The following GRB10 variants were observed in gnomAD, a reference collection of about 807,000 sequenced individuals.
GRB10 encodes the protein growth factor receptor bound protein 10, also known as growth factor receptor-bound protein 10.
A neutral mutation model predicts 80.9 loss-of-function variants in GRB10; 20 were observed. The observed-to-expected ratio is 0.25, with a 90% CI of 0.17 to 0.36. The LOEUF is 0.36. Among genes scored for constraint, GRB10 ranks in the 10% least tolerant of loss-of-function variants. The probability of loss-of-function intolerance (pLI) is 1.00; values close to 1 mark genes in which losing one functional copy is unlikely to be tolerated. For synonymous variants in GRB10, 291 were observed against 291.5 expected (o/e 1.00, Z 0.02); for missense variants, 548 against 747.7 (o/e 0.73, Z 3.12).
chr7:50,738,004 C>T (rs752192264), intron 3 of GRB10, among the ~76,000 whole-genome samples: 34 of 152,134 alleles, frequency 2.2e-4, no homozygotes, highest in Non-Finnish European at 1.6e-4. Context: ...ATGGCCAAAA[C>T]GCACATGAAA....
chr7:50,753,371 A>G, intron 3 of GRB10, among the ~76,000 whole-genome samples: 1 of 152,202 alleles, frequency 6.6e-6, no homozygotes, highest in East Asian at 1.9e-4. Context: ...AGCTGGGGCC[A>G]TCTTGTGACC....
chr7:50,790,103 G>A (rs901984664), intron 1 of GRB10, among the ~76,000 whole-genome samples: 1 of 152,198 alleles, frequency 6.6e-6, no homozygotes, highest in Non-Finnish European at 1.5e-5. Context: ...GTGGGAGTCT[G>A]ATGCAAAGGT....
intron 7 of GRB10, among the ~76,000 whole-genome samples, chr7:50,647,957 T>C (rs1256384380): frequency 1.3e-5 from 2 of 152,200 alleles, no homozygotes; most frequent in Non-Finnish European, 2.9e-5. Flanking sequence ...GATCAGATGC[T>C]GACTTTGGAC....
At chr7:50,627,035 A>T in intron 7 of GRB10, 57 bp from the exon 8 acceptor site, 1 of 1,561,146 alleles carries the variant, frequency 6.4e-7, no homozygotes, top group Non-Finnish European at 8.8e-7. Flanking sequence ...TCAAGAAATA[A>T]AAACTGAAAC....
intron 4 of GRB10, chr7:50,729,452 T>C (rs537647084): frequency 6.6e-6 from 1 of 152,208 alleles, no homozygotes; most frequent in Non-Finnish European, 1.5e-5. Context: ...CATAGGTGCA[T>C]AATTCCTTCT....
chr7:50,686,389 T>G (rs1381971597), intron 5 of GRB10, among the ~76,000 whole-genome samples: 1 of 152,208 alleles, frequency 6.6e-6, no homozygotes, highest in Non-Finnish European at 1.5e-5. Flanking sequence ...ATGTTGTTTG[T>G]AAGCCACCCA....
chr7:50,672,741 G>A (rs1195066145), intron 6 of GRB10, among the ~76,000 whole-genome samples: 1 of 152,114 alleles, frequency 6.6e-6, no homozygotes, highest in Non-Finnish European at 1.5e-5. Context: ...GCCCACCCTC[G>A]GGCACCTTCG....
At chr7:50,788,960 C>T (rs752014043) in intron 1 of GRB10, among the ~76,000 whole-genome samples, 2 of 152,224 alleles carry the variant, frequency 1.3e-5, no homozygotes, top group South Asian at 2.1e-4. Context: ...CAGGGGTCTT[C>T]ACAACTTCTG....
chr7:50,710,969 C>T, intron 4 of GRB10: 2 of 1,436,360 alleles, frequency 1.4e-6, no homozygotes, highest in Non-Finnish European at 2.0e-6. Context: ...TCAGCCTGCC[C>T]TGTGCACAAT....
intron 4 of GRB10, among the ~76,000 whole-genome samples, chr7:50,722,469 C>T (rs182915180): frequency 2.0e-5 from 3 of 152,228 alleles, no homozygotes; most frequent in Admixed American, 6.5e-5. Flanking sequence ...TCCATGTGTT[C>T]GAAGATTTCA....
chr7:50,693,076 A>G (rs2063018622), intron 5 of GRB10, among the ~76,000 whole-genome samples: 1 of 152,204 alleles, frequency 6.6e-6, no homozygotes, highest in Non-Finnish European at 1.5e-5. Context: ...CATGCAAACG[A>G]AGAATCTAAA....
chr7:50,593,177 C>A (rs1030891660), intron 18 of GRB10, 79 bp from the exon 19 acceptor site: 37 of 1,493,754 alleles, frequency 2.5e-5, no homozygotes, highest in Non-Finnish European at 3.3e-5. Context: ...CCAGCAGCAG[C>A]TACATCTGCC....
chr7:50,688,958 A>T lies in GRB10; in HGVS notation c.140-14300T>A, dbSNP rs1285534336. Among the ~76,000 whole-genome samples the T allele has an allele frequency of 2.0e-5, 3 of 152,302 alleles. No individual in the cohort carries two copies. The East Asian group carries it at 5.8e-4, about 29-fold the overall frequency. On this transcript the variant is annotated intron_variant, in intron 5 of 18. Transcript: ENST00000401949. ...GAGTCTGTGACAGGAAGTACTCCCA[A>T]CCAAGGAGAGCTGGCCATGCACAGA...
chr7:50,745,656 C>T (rs938239420), intron 3 of GRB10, among the ~76,000 whole-genome samples: 2 of 152,044 alleles, frequency 1.3e-5, no homozygotes, highest in African/African-American at 2.4e-5. Flanking sequence ...GAACTTTATC[C>T]GAAAAATAAA....
chr7:50,675,618 C>G (rs2060845370), intron 5 of GRB10, among the ~76,000 whole-genome samples: 1 of 152,222 alleles, frequency 6.6e-6, no homozygotes, highest in Non-Finnish European at 1.5e-5. Flanking sequence ...AATTCTGCCT[C>G]CAGACCTGAG....
At chr7:50,686,879 G>A (rs574238375) in intron 5 of GRB10, among the ~76,000 whole-genome samples, 4 of 152,252 alleles carry the variant, frequency 2.6e-5, no homozygotes, top group South Asian at 2.1e-4. Flanking sequence ...GCCTCCTTAC[G>A]TTTTAATAAT....
At chr7:50,682,503 G>A (rs528263472) in intron 5 of GRB10, among the ~76,000 whole-genome samples, 1 of 152,308 alleles carries the variant, frequency 6.6e-6, no homozygotes, top group African/African-American at 2.4e-5. Context: ...CAATGATCAT[G>A]TCGGCTCAAC....
At chr7:50,728,330 T>C (rs1166072218) in intron 4 of GRB10, among the ~76,000 whole-genome samples, 1 of 152,174 alleles carries the variant, frequency 6.6e-6, no homozygotes, top group Admixed American at 6.5e-5. Context: ...TTCCAGGAAC[T>C]GAGCCCAAAT....
At chr7:50,705,589 C>A (rs1011269478) in intron 4 of GRB10, among the ~76,000 whole-genome samples, 2 of 152,216 alleles carry the variant, frequency 1.3e-5, no homozygotes, top group African/African-American at 4.8e-5. Context: ...AGAGAACATG[C>A]ATACTCTATT....
Sources: allele counts gnomAD v4.1 joint callset (sites outside exome capture counted in the v4.1 genomes callset), GRCh38; gene constraint gnomAD v4.1.1; transcripts MANE v1.5; gene names NCBI Gene and HGNC (gene_info 2026-07-23, HGNC 2026-07-21).